MAGI2: variants seen among roughly 807,000 people sequenced by gnomAD.
MAGI2 encodes the protein membrane associated guanylate kinase, WW and PDZ domain containing 2, also known as membrane-associated guanylate kinase, WW and PDZ domain-containing protein 2.
MAGI2 carries 35 observed loss-of-function variants against 133.3 expected under a neutral mutation model. The observed-to-expected ratio is 0.26, with a 90% CI of 0.20 to 0.35. MAGI2 has a LOEUF of 0.35. Ranked by LOEUF, MAGI2 falls within the 10% of genes least tolerant of loss-of-function variation. The pLI is 1.00. For synonymous variants in MAGI2, 729 were observed against 710.6 expected, an observed-to-expected ratio of 1.03 and a Z score of -0.41; for missense variants, 1,636 against 1,863.4, an observed-to-expected ratio of 0.88 and a Z score of 2.25.
intron 1 of MAGI2, among the ~76,000 whole-genome samples, chr7:79,079,110 G>A (rs1437911225): frequency 2.6e-5 from 4 of 151,922 alleles, no homozygotes; most frequent in Admixed American, 2.6e-4. Context: ...CCAAAATTCA[G>A]CTTTTCTTCC....
At chr7:79,022,905 C>T (rs1165102399) in intron 1 of MAGI2, among the ~76,000 whole-genome samples, 1 of 152,062 alleles carries the variant, frequency 6.6e-6, no homozygotes, top group African/African-American at 2.4e-5. Flanking sequence ...AGGTTCACTG[C>T]CAAATTCTAC....
At chr7:79,348,261 A>C (rs1004891098) in intron 1 of MAGI2, among the ~76,000 whole-genome samples, 1 of 151,910 alleles carries the variant, frequency 6.6e-6, no homozygotes, top group Non-Finnish European at 1.5e-5. Flanking sequence ...CAGATCTTCT[A>C]GTTTAATTAC....
chr7:78,751,708 T>G (rs752385838), intron 2 of MAGI2, among the ~76,000 whole-genome samples: 7 of 152,152 alleles, frequency 4.6e-5, no homozygotes. Flanking sequence ...AGATAACAAC[T>G]ATCAACTCAG....
At chr7:78,644,052 T>C (rs1810581128) in intron 2 of MAGI2, among the ~76,000 whole-genome samples, 1 of 152,038 alleles carries the variant, frequency 6.6e-6, no homozygotes, top group Non-Finnish European at 1.5e-5. Flanking sequence ...AAAAAGTAGA[T>C]TTTAGAGCAA....
At chr7:78,768,917 C>A (rs1033784756) in intron 2 of MAGI2, among the ~76,000 whole-genome samples, 3 of 148,512 alleles carry the variant, frequency 2.0e-5, no homozygotes, top group African/African-American at 7.9e-5. Context: ...AATAGAGAAC[C>A]GATTTCGCAC....
At chr7:78,972,824 A>G (rs1224395691) in intron 2 of MAGI2, among the ~76,000 whole-genome samples, 1 of 151,882 alleles carries the variant, frequency 6.6e-6, no homozygotes, top group Non-Finnish European at 1.5e-5. Context: ...TCATAAAAAT[A>G]TCTTTTTAAT....
At chr7:78,431,930 G>A (rs949436540) in intron 6 of MAGI2, among the ~76,000 whole-genome samples, 1 of 151,900 alleles carries the variant, frequency 6.6e-6, no homozygotes, top group African/African-American at 2.4e-5. Flanking sequence ...AAAATTTTTA[G>A]ATAGTTAAGT....
chr7:78,305,930 T>C (rs996601762), intron 9 of MAGI2, among the ~76,000 whole-genome samples: 3 of 152,204 alleles, frequency 2.0e-5, no homozygotes, highest in Non-Finnish European at 4.4e-5. Context: ...TAATGTGGCA[T>C]AATTTTTGCT....
At chr7:79,320,604 G>C (rs948592440) in intron 1 of MAGI2, among the ~76,000 whole-genome samples, 5 of 152,130 alleles carry the variant, frequency 3.3e-5, no homozygotes. Context: ...TTCAAGTTAA[G>C]TTAAAACAAA....
At chr7:78,683,862 G>A (rs1380708881) in intron 2 of MAGI2, among the ~76,000 whole-genome samples, 1 of 152,142 alleles carries the variant, frequency 6.6e-6, no homozygotes, top group African/African-American at 2.4e-5. Context: ...AACTTGAAAA[G>A]TAACAAACAG....
At chr7:78,086,499 AG>A (rs1273868435) in intron 20 of MAGI2, among the ~76,000 whole-genome samples, 1 of 151,528 alleles carries the variant, frequency 6.6e-6, no homozygotes, top group Admixed American at 6.6e-5. Context: ...GGCCTCCCAA[AG>A]TGCTGGGATT....
chr7:79,266,821 C>T (rs557891637), intron 1 of MAGI2, among the ~76,000 whole-genome samples: 1 of 152,138 alleles, frequency 6.6e-6, no homozygotes, highest in East Asian at 1.9e-4. Context: ...AGACACCCCC[C>T]CAAAGCAAGC....
At chr7:78,284,450 C>CTT (rs34430968) in intron 9 of MAGI2, among the ~76,000 whole-genome samples, 138 of 142,872 alleles carry the variant, frequency 9.7e-4, no homozygotes, top group African/African-American at 2.4e-3. Flanking sequence ...GTTTTCTTTT[C>CTT]TTTTTTTTTT....
chr7:78,476,162 G>A (rs1331942936), intron 6 of MAGI2, among the ~76,000 whole-genome samples: 1 of 151,820 alleles, frequency 6.6e-6, no homozygotes, highest in African/African-American at 2.4e-5. Context: ...AACTTATTTT[G>A]TTTGCAGATA....
rs867373512 is a variant in MAGI2, at chr7:79,363,960, C to T, written c.301+89060G>A. ...ACCTGAGTAGACATTCAAAAGAAGA[C>T]ATACAAATTGCAAACAGGTATATAA... On this transcript the variant is annotated intron_variant, in intron 1 of 21. Transcript: ENST00000354212. Among the ~76,000 whole-genome samples the T allele has an allele frequency of 4.6e-5, 7 of 151,952 alleles. No homozygotes were observed. In the Middle Eastern group the frequency reaches 0.01, roughly 222 times the overall value.
chr7:79,075,573 C>T (rs1815389511), intron 1 of MAGI2, among the ~76,000 whole-genome samples: 1 of 151,958 alleles, frequency 6.6e-6, no homozygotes. Context: ...CCAGCCTGGG[C>T]AACATGGCAA....
chr7:79,236,103 G>A (rs2129554647), intron 1 of MAGI2, among the ~76,000 whole-genome samples: 1 of 152,202 alleles, frequency 6.6e-6, no homozygotes, highest in South Asian at 2.1e-4. Context: ...GAAGTCATTG[G>A]GAATGAATAA....
intron 1 of MAGI2, among the ~76,000 whole-genome samples, chr7:79,109,022 G>T (rs561489899): frequency 6.6e-6 from 1 of 152,138 alleles, no homozygotes; most frequent in Non-Finnish European, 1.5e-5. Context: ...CATGCTTCCT[G>T]TACAGCCTGC....
At chr7:78,940,151 A>C (rs1201700979) in intron 2 of MAGI2, among the ~76,000 whole-genome samples, 5 of 152,202 alleles carry the variant, frequency 3.3e-5, no homozygotes, top group Non-Finnish European at 7.4e-5. Flanking sequence ...ATAATAATAC[A>C]TATCACTTTG....
Sources: allele counts gnomAD v4.1 joint callset (sites outside exome capture counted in the v4.1 genomes callset), GRCh38; gene constraint gnomAD v4.1.1; transcripts MANE v1.5; gene names NCBI Gene and HGNC (gene_info 2026-07-23, HGNC 2026-07-21).